The following KCNH1 variants were observed in gnomAD, a reference collection of about 807,000 sequenced individuals.
KCNH1 encodes potassium voltage-gated channel subfamily H member 1, also known as voltage-gated delayed rectifier potassium channel KCNH1.
Under a neutral mutation model 69.2 loss-of-function variants are expected in KCNH1, and 27 were observed. The observed-to-expected ratio is 0.39, with a 90% CI of 0.29 to 0.54. The LOEUF is 0.54. KCNH1 is among the 20% of genes least tolerant of loss of function. The pLI, the probability that KCNH1 is intolerant of heterozygous loss-of-function variation, is 0.68. For synonymous variants in KCNH1, 456 were observed against 487.7 expected, an observed-to-expected ratio of 0.93 and a Z score of 0.86; for missense variants, 798 against 1,261.6, an observed-to-expected ratio of 0.63 and a Z score of 5.57.
At position 210,994,077 on chromosome 1, in the gene KCNH1, T is replaced by C. The variant is rs966091218; in HGVS notation, c.1032+24706A>G. 7.2e-5 allele frequency among the ~76,000 whole-genome samples: 11 copies of C among 152,330 alleles called. No individual in the cohort carries two copies. The East Asian group carries it at 1.9e-3, about 27-fold the overall frequency. The stretch of plus-strand genomic sequence containing the variant: ...ATGTAATAAAAAAATTAAAGCATAA[T>C]GTTAACTAACTCAAAACACAAAATT... On this transcript the variant is annotated intron_variant, in intron 6 of 10. Coordinates refer to ENST00000271751, the MANE Select transcript of KCNH1 (RefSeq NM_172362.3).
chr1:210,942,240 A>C (rs1369601905), intron 6 of KCNH1, among the ~76,000 whole-genome samples: 1 of 152,214 alleles, frequency 6.6e-6, no homozygotes, highest in East Asian at 1.9e-4. Context: ...CTTTCTTGTT[A>C]GGAAAACAAC....
intron 7 of KCNH1, among the ~76,000 whole-genome samples, chr1:210,886,184 T>C (rs1686602316): frequency 6.6e-6 from 1 of 152,140 alleles, no homozygotes; most frequent in African/African-American, 2.4e-5. Flanking sequence ...TGGACAAAGC[T>C]TTCAGAGGAA....
intron 5 of KCNH1, among the ~76,000 whole-genome samples, chr1:211,031,712 C>G (rs953582787): frequency 2.6e-5 from 4 of 152,248 alleles, no homozygotes; most frequent in South Asian, 2.1e-4. Flanking sequence ...ATTCAACAAC[C>G]CTTCCTGCTA....
At chr1:210,774,264 G>A (rs1683814645) in intron 10 of KCNH1, among the ~76,000 whole-genome samples, 1 of 152,202 alleles carries the variant, frequency 6.6e-6, no homozygotes, top group African/African-American at 2.4e-5. Context: ...GAGGCAGGAA[G>A]GTGAGTTTGG....
At chr1:210,692,901 T>C (rs577265203) in intron 10 of KCNH1, among the ~76,000 whole-genome samples, 1 of 152,296 alleles carries the variant, frequency 6.6e-6, no homozygotes, top group Admixed American at 6.5e-5. Flanking sequence ...AGCCACCAAG[T>C]CTGTGGTCGT....
chr1:211,088,533 C>T (rs1690995943), intron 4 of KCNH1, among the ~76,000 whole-genome samples: 1 of 152,202 alleles, frequency 6.6e-6, no homozygotes, highest in African/African-American at 2.4e-5. Context: ...AAGCAGACCA[C>T]CAAACCACAG....
intron 9 of KCNH1, among the ~76,000 whole-genome samples, chr1:210,778,555 G>T (rs910169557): frequency 4.9e-5 from 7 of 144,020 alleles, no homozygotes; most frequent in Non-Finnish European, 4.6e-5. Context: ...AAAATTACCT[G>T]CCAGGTTACG....
intron 5 of KCNH1, among the ~76,000 whole-genome samples, chr1:211,077,657 C>T (rs1420515432): frequency 6.6e-6 from 1 of 152,116 alleles, no homozygotes; most frequent in Non-Finnish European, 1.5e-5. Flanking sequence ...CAAAAACATA[C>T]CAAATTGTAA....
chr1:210,844,815 A>G (rs1332154785), intron 7 of KCNH1, among the ~76,000 whole-genome samples: 1 of 152,202 alleles, frequency 6.6e-6, no homozygotes, highest in Admixed American at 6.5e-5. Context: ...GATCAACAAA[A>G]TTGATAGATC....
At chr1:211,106,467 C>T (rs1287518752) in intron 2 of KCNH1, among the ~76,000 whole-genome samples, 1 of 151,478 alleles carries the variant, frequency 6.6e-6, no homozygotes, top group Non-Finnish European at 1.5e-5. Context: ...AATATTGGTT[C>T]TCTCATCTTT....
At chr1:210,898,303 C>CA (rs1274111122) in intron 7 of KCNH1, among the ~76,000 whole-genome samples, 2 of 151,812 alleles carry the variant, frequency 1.3e-5, no homozygotes, top group Non-Finnish European at 2.9e-5. Flanking sequence ...CTGTCAAGGG[C>CA]AAAAAAATAT....
At chr1:210,976,474 G>A (rs534613325) in intron 6 of KCNH1, among the ~76,000 whole-genome samples, 27 of 148,138 alleles carry the variant, frequency 1.8e-4, no homozygotes, top group Admixed American at 1.4e-4. Flanking sequence ...AGAGGATGTG[G>A]AGAAATAGGA....
chr1:210,764,071 C>A (rs980221858), intron 10 of KCNH1, among the ~76,000 whole-genome samples: 11 of 151,978 alleles, frequency 7.2e-5, no homozygotes, highest in Non-Finnish European at 1.6e-4. Flanking sequence ...AGCCACACAC[C>A]TAAAACTAAC....
chr1:210,882,448 T>C (rs7527537), intron 7 of KCNH1, among the ~76,000 whole-genome samples: 3,648 of 152,238 alleles, frequency 0.024, 141 homozygotes, highest in African/African-American at 0.084. Flanking sequence ...CCCACCGCCA[T>C]TGTATAACAT....
At chr1:210,973,161 C>T (rs972217828) in intron 6 of KCNH1, among the ~76,000 whole-genome samples, 1 of 152,062 alleles carries the variant, frequency 6.6e-6, no homozygotes, top group East Asian at 1.9e-4. Flanking sequence ...TCATTCTGAC[C>T]TTTGGACATT....
At chr1:210,742,206 A>G (rs61829485) in intron 10 of KCNH1, among the ~76,000 whole-genome samples, 1 of 152,128 alleles carries the variant, frequency 6.6e-6, no homozygotes, top group East Asian at 1.9e-4. Flanking sequence ...TGAAGGAATT[A>G]TTTTATTTCT....
intron 3 of KCNH1, among the ~76,000 whole-genome samples, chr1:211,100,655 A>G (rs1691241488): frequency 6.6e-6 from 1 of 152,106 alleles, no homozygotes; most frequent in East Asian, 1.9e-4. Context: ...CCGGCCCCTC[A>G]TGTATTTATA....
At chr1:210,841,811 G>A (rs532866879) in intron 7 of KCNH1, among the ~76,000 whole-genome samples, 12 of 152,238 alleles carry the variant, frequency 7.9e-5, no homozygotes, top group African/African-American at 2.9e-4. Flanking sequence ...TGATCCTAAT[G>A]AATTGTTAAT....
At chr1:211,050,214 G>A (rs1447834517) in intron 5 of KCNH1, among the ~76,000 whole-genome samples, 5 of 133,586 alleles carry the variant, frequency 3.7e-5, no homozygotes, top group Admixed American at 2.6e-4. Flanking sequence ...AAACGACTTG[G>A]GTTTTTATGA....
Sources: allele counts gnomAD v4.1 joint callset (sites outside exome capture counted in the v4.1 genomes callset), GRCh38; gene constraint gnomAD v4.1.1; transcripts MANE v1.5; gene names NCBI Gene and HGNC (gene_info 2026-07-23, HGNC 2026-07-21).